Variants in PLXNB2 observed in about 807,000 individuals in gnomAD.
PLXNB2 encodes the protein plexin-B2.
A neutral mutation model predicts 202.6 loss-of-function variants in PLXNB2; 85 were observed. That is an observed-to-expected ratio of 0.42 (90% CI 0.35 to 0.50). The LOEUF is 0.50. Ranked by LOEUF, PLXNB2 falls within the 20% of genes least tolerant of loss-of-function variation. The pLI, the probability that PLXNB2 is intolerant of heterozygous loss-of-function variation, is 0.02. For missense variants in PLXNB2, 2,063 were observed against 2,586.2 expected (o/e 0.80, Z 4.39); for synonymous variants, 1,239 against 1,137.6 (o/e 1.09, Z -1.79).
rs1266189940 is a variant in PLXNB2 at position 50,287,980 on chromosome 22, C to T, written c.1438G>A (p.Asp480Asn). Residue 480 changes from aspartate (D) to asparagine (N), a missense_variant, in exon 6 of 37, where the codon GAC becomes AAC. By Grantham distance (23) the Asp-to-Asn change is conservative. Coordinates refer to ENST00000359337, the MANE Select transcript of PLXNB2 (RefSeq NM_012401.4). ...CAGCCGCAGTAGGGGTCCTGGGAGT[C>T]GCGGCACTGGGTGCAGGTCGGGTAG... ...LSYPTCTQCR[D>N]SQDPYCGWCV... 7 of 1,583,720 alleles carry T rather than the reference C, an allele frequency of 4.4e-6. No individual in the cohort carries two copies. Among genetic ancestry groups the T allele is most frequent in the East Asian group, 2.3e-5 (1 of 42,860 alleles).
Position 50,286,190 on chromosome 22 carries a change from G to T in PLXNB2, c.1860C>A (p.Ser620Arg). The part of the protein sequence containing the change: ...YPFYDCRQAM[S>R]LEENLPCISC... ...ACACTCACGGCAGGTTCTCCTCCAG[G>T]CTCATGGCCTGGCGGCAGTCGTAGA... Residue 620 changes from serine to arginine, a missense_variant, in exon 9 of 37, where the codon AGC becomes AGA. Physicochemically the swap from Ser to Arg is moderately radical, Grantham distance 110. Around this residue, in one of 2 missense-constraint regions of PLXNB2, gnomAD observed 1,303 missense variants for 1,476.8 expected, o/e 0.88. Transcript: ENST00000359337. The T allele has an allele frequency of 6.2e-7, 1 of 1,612,948 alleles. No homozygotes were observed. The highest frequency in any genetic ancestry group is 8.5e-7 in the Non-Finnish European group (1 of 1,179,638).
chr22:50,281,077 A>G lies in PLXNB2; in HGVS notation c.3763+12T>C, dbSNP rs536258503. 11 of 1,610,724 alleles carry G rather than the reference A, an allele frequency of 6.8e-6. No individual in the cohort carries two copies. The Admixed American group carries it at 8.3e-5, about 12-fold the overall frequency. On this transcript the variant is annotated intron_variant, in intron 23 of 36. Coordinates refer to ENST00000359337, the MANE Select transcript of PLXNB2 (RefSeq NM_012401.4). ...GGAGGCGCCCCAGCACCAGCCCCCA[A>G]GCGGTCCCTACCTGTGAATTCCTTC...
Position 50,280,981 on chromosome 22 carries a change from G to C in PLXNB2, c.3764-8C>G. On this transcript the variant is annotated splice_polypyrimidine_tract_variant and splice_region_variant and intron_variant, in intron 23 of 36. Coordinates refer to ENST00000359337, the MANE Select transcript of PLXNB2 (RefSeq NM_012401.4). ...CCATCTCGATCATCAGGTCTGGGGG[G>C]AGGCTGGCGTGAGACGTCCCTGGCC... The C allele has an allele frequency of 6.2e-7, 1 of 1,612,028 alleles. No homozygotes were observed. The highest frequency in any genetic ancestry group is 8.5e-7 in the Non-Finnish European group (1 of 1,179,160).
chr22:50,276,126 ACACC>A lies in PLXNB2; in HGVS notation c.5338-167_5338-164del. Among the ~76,000 whole-genome samples the A allele has an allele frequency of 3.9e-5, 6 of 152,248 alleles. 2 individuals are homozygous for A. The highest frequency in any genetic ancestry group is 3.9e-4 in the Admixed American group (6 of 15,312). Reference sequence around the variant, plus strand: ...CCCCATGTGGCACAGCCTCAGACAGACACCCACGCAGGCAGAGTTGTGCACATCC... The same window carrying A: ...CCCCATGTGGCACAGCCTCAGACAGACACGCAGGCAGAGTTGTGCACATCC... On this transcript the variant is annotated intron_variant, in intron 35 of 36. Coordinates refer to ENST00000359337, the MANE Select transcript of PLXNB2 (RefSeq NM_012401.4).
chr22:50,287,309 G>A, intron 7 of PLXNB2, 45 bp from the exon 8 acceptor site: 1 of 1,454,246 alleles, frequency 6.9e-7, no homozygotes, highest in Non-Finnish European at 9.1e-7. Flanking sequence ...CCCGAGTCCT[G>A]TCAGCCCACC....
intron 1 of PLXNB2, among the ~76,000 whole-genome samples, chr22:50,298,267 C>T (rs1286237543): frequency 6.6e-6 from 1 of 152,250 alleles, no homozygotes; most frequent in Non-Finnish European, 1.5e-5. Flanking sequence ...CCAAGGGCAG[C>T]ACAGGGATGC....
At chr22:50,306,070 C>T (rs1048637572) in intron 1 of PLXNB2, among the ~76,000 whole-genome samples, 1 of 152,250 alleles carries the variant, frequency 6.6e-6, no homozygotes, top group African/African-American at 2.4e-5. Flanking sequence ...ACGCTGCAGC[C>T]TCCCGCTTCG....
chr22:50,275,876 G>T lies in PLXNB2; in HGVS notation c.5412+13C>A, dbSNP rs763978926. On this transcript the variant is annotated intron_variant, in intron 36 of 36. Transcript: ENST00000359337. ...CACCCCACCTGCCCCCGCCCCCGGG[G>T]GCCTGACCCTACCTCGTCATAGTAC... 1 of 1,612,248 alleles carries T rather than the reference G, an allele frequency of 6.2e-7. No individual in the cohort carries two copies. The highest frequency in any genetic ancestry group is 1.1e-5 in the South Asian group (1 of 91,080).
Position 50,284,318 on chromosome 22 carries a change from C to A in PLXNB2, c.2182-105G>T. The A allele has an allele frequency of 1.8e-6, 2 of 1,105,564 alleles. No individual in the cohort carries two copies. Among genetic ancestry groups the A allele is most frequent in the Non-Finnish European group, 2.7e-6 (2 of 730,632 alleles). 68.5% of individuals were successfully genotyped at this position (1,105,564 alleles called of 1,614,324 possible). On this transcript the variant is annotated intron_variant, in intron 12 of 36. Coordinates refer to ENST00000359337, the MANE Select transcript of PLXNB2 (RefSeq NM_012401.4). The surrounding 1 kb of genome is among the most constrained non-coding windows in gnomAD (Gnocchi z 8.0). ...TGTGGCCACCGGGTCCCTTCCCAGCCAAGGGCAGCAGGGGAGGCCTTCAGG... is the reference window on the plus strand; with the variant it reads ...TGTGGCCACCGGGTCCCTTCCCAGCAAAGGGCAGCAGGGGAGGCCTTCAGG...
In PLXNB2 at chr22:50,298,458, G is replaced by A. The variant is rs1294500272; in HGVS notation, c.-73-3680C>T. 4.6e-5 allele frequency among the ~76,000 whole-genome samples: 7 copies of A among 152,288 alleles called. No individual in the cohort carries two copies. In the East Asian group the frequency reaches 1.4e-3, roughly 29 times the overall value. On this transcript the variant is annotated intron_variant, in intron 1 of 36. Transcript: ENST00000359337. ...CCCACTGGGTAAAGGTAAACAAGAG[G>A]CATGTAAGGGGGAAGGACAGAGCCC...
chr22:50,282,918 C>A, intron 17 of PLXNB2, 37 bp from the exon 18 acceptor site: 1 of 1,574,210 alleles, frequency 6.4e-7, no homozygotes, highest in Non-Finnish European at 8.6e-7. Context: ...ATCAACCCCT[C>A]CCCCGGGACC....
At chr22:50,281,535 G>A in intron 21 of PLXNB2, 31 bp downstream of exon 21, 1 of 1,607,972 alleles carries the variant, frequency 6.2e-7, no homozygotes, top group Non-Finnish European at 8.5e-7. Context: ...GGTCCCGTGG[G>A]GGCACCCCCC....
At position 50,281,075 on chromosome 22, in the gene PLXNB2, C is replaced by T. The variant is rs763057023; in HGVS notation, c.3763+14G>A. On this transcript the variant is annotated intron_variant, in intron 23 of 36. Coordinates refer to ENST00000359337, the MANE Select transcript of PLXNB2 (RefSeq NM_012401.4). ...CAGGAGGCGCCCCAGCACCAGCCCC[C>T]AAGCGGTCCCTACCTGTGAATTCCT... 6.2e-7 allele frequency: 1 copy of T among 1,610,740 alleles called. No homozygotes were observed. Among genetic ancestry groups the T allele is most frequent in the Non-Finnish European group, 8.5e-7 (1 of 1,177,850 alleles).
chr22:50,286,356 T>G, intron 8 of PLXNB2, 69 bp from the exon 9 acceptor site: 3 of 1,105,920 alleles, frequency 2.7e-6, no homozygotes, highest in East Asian at 2.4e-5. Flanking sequence ...GGGCCTCCCC[T>G]GGGGCTGACT....
rs762249221 is a variant in PLXNB2 at position 50,287,070 on chromosome 22, G to A, written c.1762+41C>T. The A allele has an allele frequency of 5.4e-5, 79 of 1,464,710 alleles. No individual in the cohort carries two copies. The African/African-American group carries it at 8.8e-4, about 16-fold the overall frequency. The allele number at this position is 1,464,710 out of a possible 1,614,324, so 90.7% of individuals were successfully genotyped here. A position where few individuals can be genotyped will look rare whatever the true frequency, so the allele number is the denominator to read the frequency against. ...AGCCCGTGTGCACAGGGCCCCGTGC[G>A]ACCGAGAAGGGCCACCCGGGGGCTC... On this transcript the variant is annotated intron_variant, in intron 8 of 36. Coordinates refer to ENST00000359337, the MANE Select transcript of PLXNB2 (RefSeq NM_012401.4).
At position 50,297,340 on chromosome 22, in the gene PLXNB2, G is replaced by A. The variant is rs963374904; in HGVS notation, c.-73-2562C>T. 5.3e-5 allele frequency among the ~76,000 whole-genome samples: 8 copies of A among 152,116 alleles called. No homozygotes were observed. Among genetic ancestry groups the A allele is most frequent in the Non-Finnish European group, 1.2e-4 (8 of 68,004 alleles). ...GGCTGGCTTCTGTCCCGCCCATCCC[G>A]CACGCCCTCGAACAACCTCCCCTGA... On this transcript the variant is annotated intron_variant, in intron 1 of 36. Coordinates refer to ENST00000359337, the MANE Select transcript of PLXNB2 (RefSeq NM_012401.4). The surrounding 1 kb of genome is among the most constrained non-coding windows in gnomAD (Gnocchi z 5.3).
chr22:50,287,914 C>G, intron 6 of PLXNB2, 23 bp downstream of exon 6: 3 of 1,580,398 alleles, frequency 1.9e-6, no homozygotes, highest in Non-Finnish European at 2.6e-6. Flanking sequence ...AGGCCGTGTC[C>G]CCGAGCCACC....
chr22:50,289,998 G>A lies in PLXNB2; in HGVS notation c.587C>T (p.Ala196Val), dbSNP rs2147530555. 8 of 1,613,390 alleles carry A rather than the reference G, an allele frequency of 5.0e-6. No homozygotes were observed. The highest frequency in any genetic ancestry group is 6.8e-6 in the Non-Finnish European group (8 of 1,180,028). Reference protein sequence around the residue: ...RLLDRTDSREAFEAYTDHATY... With the variant: ...RLLDRTDSREVFEAYTDHATY... ...GGCGTGGTCCGTGTAGGCTTCAAAG[G>A]CCTCCCTGCTGTCAGTCCGGTCCAA... The change falls in exon 3 of 37, where the codon GCC (alanine) becomes GTC (valine). Residue 196 changes from alanine (A) to valine (V), a missense_variant. Physicochemically the swap from Ala to Val is moderately conservative, Grantham distance 64. Around this residue, in one of 2 missense-constraint regions of PLXNB2, gnomAD observed 1,303 missense variants for 1,476.8 expected, o/e 0.88. Coordinates refer to ENST00000359337, the MANE Select transcript of PLXNB2 (RefSeq NM_012401.4). This position sits in a 1 kb window ranked among gnomAD's most constrained non-coding sequence, Gnocchi z 8.0.
chr22:50,279,489 G>A (rs1007965287), intron 27 of PLXNB2, 141 bp downstream of exon 27: 11 of 829,670 alleles, frequency 1.3e-5, no homozygotes, highest in East Asian at 2.5e-5. Flanking sequence ...CCCTGAGGCC[G>A]AGTTAGAGCA....
Sources: allele counts gnomAD v4.1 joint callset (sites outside exome capture counted in the v4.1 genomes callset), GRCh38; gene constraint gnomAD v4.1.1; regional missense constraint gnomAD v4.1.1; non-coding constraint Gnocchi (gnomAD v3.1); transcripts MANE v1.5; gene names NCBI Gene and HGNC (gene_info 2026-07-23, HGNC 2026-07-21).